Variants in SLC38A6 observed in about 807,000 individuals in gnomAD.
SLC38A6 encodes N system amino acid transporter NAT-1.
In SLC38A6, 73 loss-of-function variants were observed where a neutral mutation model predicts 65.0. The observed-to-expected ratio is 1.12, with a 90% confidence interval of 0.93 to 1.37. The LOEUF is 1.37. Among genes scored for constraint, SLC38A6 ranks in the 40% most tolerant of loss-of-function variants. SLC38A6 has a pLI of 0.00. For synonymous variants in SLC38A6, 183 were observed against 178.8 expected (o/e 1.02, Z -0.19); for missense variants, 561 against 531.1 (o/e 1.06, Z -0.55).
At chr14:61,078,751 AATTTATTTATTTTTATTTTTTATTTT>A (rs2043523597) in intron 15 of SLC38A6, 1 of 168,912 alleles carries the variant, frequency 5.9e-6, no homozygotes, top group African/African-American at 2.5e-5. Context: ...TTAATTATTT[AATTTATTTATTTTTATTTTTTATTTT>A]ATTTATTTAT....
intron 4 of SLC38A6, among the ~76,000 whole-genome samples, chr14:61,019,016 T>G (rs964692188): frequency 5.9e-5 from 9 of 152,158 alleles, no homozygotes; most frequent in African/African-American, 2.2e-4. Context: ...GTTTGGAACA[T>G]TTTGCCTATA....
chr14:61,062,885 G>T (rs1251608677), intron 15 of SLC38A6, among the ~76,000 whole-genome samples: 1 of 152,206 alleles, frequency 6.6e-6, no homozygotes, highest in Non-Finnish European at 1.5e-5. Context: ...CGCCATGTTG[G>T]CCAGGCTGGT....
chr14:60,991,531 A>T (rs1263132095), intron 3 of SLC38A6, among the ~76,000 whole-genome samples: 1 of 152,154 alleles, frequency 6.6e-6, no homozygotes, highest in Non-Finnish European at 1.5e-5. Flanking sequence ...CAGGATTCAA[A>T]CCCACACAGT....
intron 5 of SLC38A6, among the ~76,000 whole-genome samples, chr14:61,021,530 G>C (rs977860185): frequency 2.0e-5 from 3 of 152,194 alleles, no homozygotes; most frequent in African/African-American, 4.8e-5. Flanking sequence ...CATTCAAACA[G>C]AGCTGGTTGG....
chr14:61,036,776 C>T (rs955985902), intron 6 of SLC38A6, among the ~76,000 whole-genome samples: 2 of 152,058 alleles, frequency 1.3e-5, no homozygotes, highest in African/African-American at 4.8e-5. Flanking sequence ...CTCATCACTC[C>T]TCACTAATGT....
chr14:60,989,649 G>A (rs555302687), intron 3 of SLC38A6, among the ~76,000 whole-genome samples: 1 of 152,280 alleles, frequency 6.6e-6, no homozygotes, highest in East Asian at 1.9e-4. Flanking sequence ...ACTTGAGCCA[G>A]GGAGGCAGAG....
intron 11 of SLC38A6, 39 bp downstream of exon 11, chr14:61,045,464 A>AG: frequency 6.8e-7 from 1 of 1,462,894 alleles, no homozygotes; most frequent in Non-Finnish European, 9.5e-7. Context: ...TATATTGTGT[A>AG]TCTTTTTACC....
chr14:60,989,703 G>C (rs751293377), intron 3 of SLC38A6, among the ~76,000 whole-genome samples: 25 of 152,156 alleles, frequency 1.6e-4, no homozygotes, highest in Non-Finnish European at 3.5e-4. Flanking sequence ...CAGCCTGGGG[G>C]ACGGGAGTGA....
intron 3 of SLC38A6, among the ~76,000 whole-genome samples, chr14:61,000,834 ACT>A (rs1372364118): frequency 1.3e-5 from 2 of 152,130 alleles, no homozygotes; most frequent in African/African-American, 2.4e-5. Context: ...ACTATGAGGT[ACT>A]CTCACCGACA....
intron 5 of SLC38A6, among the ~76,000 whole-genome samples, chr14:61,024,101 G>C (rs1369995403): frequency 6.6e-6 from 1 of 152,108 alleles, no homozygotes; most frequent in Non-Finnish European, 1.5e-5. Flanking sequence ...TCTACTGTTA[G>C]AACTTCACAG....
chr14:61,042,048 G>T (rs569365048), intron 8 of SLC38A6, among the ~76,000 whole-genome samples: 3 of 151,866 alleles, frequency 2.0e-5, no homozygotes, highest in African/African-American at 7.2e-5. Context: ...TTTCCTTTTG[G>T]TAAGTTGACC....
intron 11 of SLC38A6, 145 bp from the exon 12 acceptor site, chr14:61,045,922 C>T (rs1030360875): frequency 4.9e-5 from 26 of 529,342 alleles, no homozygotes; most frequent in African/African-American, 4.5e-4. Flanking sequence ...TCTTTGTGTA[C>T]TAATTTCGAA....
chr14:61,001,106 G>T (rs1370010642), intron 3 of SLC38A6, among the ~76,000 whole-genome samples: 1 of 152,124 alleles, frequency 6.6e-6, no homozygotes, highest in Non-Finnish European at 1.5e-5. Context: ...AACTGGACTT[G>T]GTTTTTCTCC....
intron 16 of SLC38A6, among the ~76,000 whole-genome samples, chr14:61,080,347 T>G (rs1379417061): frequency 6.6e-6 from 1 of 152,168 alleles, no homozygotes; most frequent in African/African-American, 2.4e-5. Flanking sequence ...AGGGACTCTG[T>G]GATGCCAAAT....
At chr14:61,006,160 C>G (rs1026343710) in intron 3 of SLC38A6, among the ~76,000 whole-genome samples, 5 of 152,208 alleles carry the variant, frequency 3.3e-5, no homozygotes, top group African/African-American at 1.2e-4. Flanking sequence ...TTCCTTACAC[C>G]TTATACAAAA....
At chr14:60,996,486 A>G (rs1425658199) in intron 3 of SLC38A6, among the ~76,000 whole-genome samples, 1 of 152,130 alleles carries the variant, frequency 6.6e-6, no homozygotes, top group African/African-American at 2.4e-5. Flanking sequence ...TAAGAAAATT[A>G]GAAGATCAGT....
chr14:60,981,563 C>T, intron 1 of SLC38A6, 181 bp downstream of exon 1: 3 of 1,526,214 alleles, frequency 2.0e-6, no homozygotes, highest in East Asian at 2.5e-5. Context: ...CAGTTATGAA[C>T]GTGATAGCAG....
intron 3 of SLC38A6, among the ~76,000 whole-genome samples, chr14:60,999,971 C>A (rs1226855008): frequency 2.0e-5 from 3 of 152,084 alleles, no homozygotes; most frequent in Admixed American, 1.3e-4. Flanking sequence ...CTTACAGCAG[C>A]CTTAGGAAAC....
chr14:61,080,125 T>C (rs2043586379), intron 16 of SLC38A6, among the ~76,000 whole-genome samples: 1 of 152,148 alleles, frequency 6.6e-6, no homozygotes, highest in Non-Finnish European at 1.5e-5. Context: ...AACAACAACA[T>C]AACCTGTTAA....
Sources: gnomAD v4.1 joint callset for allele counts (sites outside exome capture counted in the v4.1 genomes callset) on GRCh38, gnomAD v4.1.1 for gene constraint, MANE v1.5 for transcripts, NCBI Gene and HGNC (gene_info 2026-07-23, HGNC 2026-07-21) for gene names.